Variants in ABTB3 observed in about 807,000 individuals in gnomAD.
ABTB3 encodes the protein ankyrin repeat- and BTB/POZ domain-containing protein 3.
the ABTB3 span, among the ~76,000 whole-genome samples, chr12:107,545,498 T>C: frequency 1.3e-5 from 2 of 152,066 alleles, no homozygotes; most frequent in Non-Finnish European, 2.9e-5. Context: ...TCCTGCCTCA[T>C]CCCTCAAAGT....
At chr12:107,458,701 A>T in the ABTB3 span, among the ~76,000 whole-genome samples, 1 of 152,298 alleles carries the variant, frequency 6.6e-6, no homozygotes, top group East Asian at 1.9e-4. Flanking sequence ...ACCTGTGGGC[A>T]GGAAGGCCTC....
At chr12:107,323,760 T>G in the ABTB3 span, among the ~76,000 whole-genome samples, 11 of 152,336 alleles carry the variant, frequency 7.2e-5, no homozygotes, top group Admixed American at 5.9e-4. Flanking sequence ...TGTGAGGGCT[T>G]CCTTGATGCA....
chr12:107,620,511 A>T, the ABTB3 span, among the ~76,000 whole-genome samples: 1 of 152,158 alleles, frequency 6.6e-6, no homozygotes, highest in African/African-American at 2.4e-5. Flanking sequence ...GGTGCAGGCT[A>T]GGAGAGGTGT....
chr12:107,522,232 A>AG, the ABTB3 span, among the ~76,000 whole-genome samples: 1 of 152,102 alleles, frequency 6.6e-6, no homozygotes, highest in Non-Finnish European at 1.5e-5. Context: ...TGTCACATTG[A>AG]GGGGGCAGGG....
chr12:107,470,707 CT>C, the ABTB3 span, among the ~76,000 whole-genome samples: 2 of 152,224 alleles, frequency 1.3e-5, no homozygotes, highest in African/African-American at 4.8e-5. Flanking sequence ...CGACCCTGGC[CT>C]GGTGGCACCT....
chr12:107,599,263 C>T, the ABTB3 span, among the ~76,000 whole-genome samples: 2 of 152,226 alleles, frequency 1.3e-5, no homozygotes, highest in Admixed American at 1.3e-4. Context: ...CTAACAAAAA[C>T]AGATTCATGT....
chr12:107,387,648 A>G, the ABTB3 span, among the ~76,000 whole-genome samples: 1 of 152,226 alleles, frequency 6.6e-6, no homozygotes, highest in Non-Finnish European at 1.5e-5. Context: ...GTTGAACAGT[A>G]TCTTAAAGCA....
At chr12:107,434,438 G>C in the ABTB3 span, among the ~76,000 whole-genome samples, 1 of 152,214 alleles carries the variant, frequency 6.6e-6, no homozygotes, top group African/African-American at 2.4e-5. Context: ...CCTTGAGGGA[G>C]GACTTTTGTC....
chr12:107,583,883 A>G, the ABTB3 span, among the ~76,000 whole-genome samples: 1 of 152,168 alleles, frequency 6.6e-6, no homozygotes, highest in East Asian at 1.9e-4. Context: ...TTCTTGACTC[A>G]TTTGTCTCCT....
At chr12:107,520,427 G>A in the ABTB3 span, 8 of 1,575,054 alleles carry the variant, frequency 5.1e-6, no homozygotes, top group Middle Eastern at 5.4e-4. Context: ...CCCTTCCCTC[G>A]GTTAACTGAA....
At chr12:107,608,968 T>TAA in the ABTB3 span, among the ~76,000 whole-genome samples, 10 of 101,800 alleles carry the variant, frequency 9.8e-5, no homozygotes, top group Admixed American at 3.0e-4. Context: ...TAAAATAAAA[T>TAA]ATAAAATAAA....
the ABTB3 span, among the ~76,000 whole-genome samples, chr12:107,601,085 G>A: frequency 7.9e-5 from 12 of 152,324 alleles, no homozygotes; most frequent in Admixed American, 4.6e-4. Flanking sequence ...ATCACACACC[G>A]TGCTAAGTGG....
the ABTB3 span, chr12:107,617,255 AT>A: frequency 2.2e-3 from 3,493 of 1,613,668 alleles, 69 homozygotes; most frequent in African/African-American, 0.039. Context: ...CTGTGACTAT[AT>A]TTTTGCTTTA....
chr12:107,573,253 G>A, the ABTB3 span, among the ~76,000 whole-genome samples: 1 of 152,184 alleles, frequency 6.6e-6, no homozygotes, highest in Non-Finnish European at 1.5e-5. Flanking sequence ...GTGCATGATG[G>A]TGAGGGAGGA....
At chr12:107,484,612 T>TA in the ABTB3 span, among the ~76,000 whole-genome samples, 2 of 150,918 alleles carry the variant, frequency 1.3e-5, no homozygotes, top group East Asian at 1.9e-4. Flanking sequence ...TTTTTTTTTT[T>TA]AATAGAATCA....
the ABTB3 span, among the ~76,000 whole-genome samples, chr12:107,514,915 G>A: frequency 1.3e-5 from 2 of 152,132 alleles, no homozygotes; most frequent in Non-Finnish European, 2.9e-5. Flanking sequence ...CGAAAGCTGG[G>A]TTAGTGCACG....
the ABTB3 span, among the ~76,000 whole-genome samples, chr12:107,381,968 A>T: frequency 5.3e-5 from 8 of 152,236 alleles, no homozygotes; most frequent in Non-Finnish European, 1.2e-4. Flanking sequence ...CTCATTCAAC[A>T]AATGTTTATT....
chr12:107,606,892 C>T, the ABTB3 span, among the ~76,000 whole-genome samples: 2 of 152,208 alleles, frequency 1.3e-5, no homozygotes, highest in African/African-American at 4.8e-5. Context: ...TCCCGGAAGC[C>T]TCTGTGATGT....
chr12:107,519,387 A>G, the ABTB3 span, among the ~76,000 whole-genome samples: 2 of 149,090 alleles, frequency 1.3e-5, no homozygotes, highest in Admixed American at 6.8e-5. Context: ...TGGTAGCACA[A>G]TCTCGGCTCA....
Sources: allele counts gnomAD v4.1 joint callset (sites outside exome capture counted in the v4.1 genomes callset), GRCh38; gene constraint gnomAD v4.1.1; transcripts MANE v1.5; gene names NCBI Gene and HGNC (gene_info 2026-07-23, HGNC 2026-07-21).